NBAS: variants seen among roughly 807,000 people sequenced by gnomAD.
NBAS encodes the protein NBAS subunit of NRZ tethering complex.
A neutral mutation model predicts 302.5 loss-of-function variants in NBAS; 219 were observed. That is an observed-to-expected ratio of 0.72 (90% CI 0.65 to 0.81). The LOEUF (loss-of-function observed/expected upper bound fraction) is 0.81, where lower values mean the gene tolerates loss of function less well. NBAS is among the 30% of genes least tolerant of loss of function. NBAS has a pLI of 0.00. For synonymous variants in NBAS, 1,118 were observed against 1,021.6 expected, an observed-to-expected ratio of 1.09 and a Z score of -1.80; for missense variants, 2,932 against 2,841.6, an observed-to-expected ratio of 1.03 and a Z score of -0.72.
At chr2:14,900,967 G>A in the NBAS span, among the ~76,000 whole-genome samples, 1 of 152,176 alleles carries the variant, frequency 6.6e-6, no homozygotes, top group Non-Finnish European at 1.5e-5. Flanking sequence ...GGCTACGGGG[G>A]TAGTGGCTGA....
chr2:15,410,818 T>C (rs888613799), intron 25 of NBAS, among the ~76,000 whole-genome samples: 5 of 152,194 alleles, frequency 3.3e-5, no homozygotes, highest in African/African-American at 1.2e-4. Flanking sequence ...CAGGTGCTCC[T>C]TTCTTCTGGA....
chr2:15,178,967 A>C, intron 51 of NBAS, 21 bp downstream of exon 51: 2 of 1,610,554 alleles, frequency 1.2e-6, no homozygotes, highest in South Asian at 2.2e-5. Context: ...AAAGAAAGAA[A>C]GTAAATTCAA....
the NBAS span, among the ~76,000 whole-genome samples, chr2:14,952,998 G>A: frequency 1.3e-5 from 2 of 152,196 alleles, no homozygotes; most frequent in Non-Finnish European, 2.9e-5. Flanking sequence ...TGGAGAGGTA[G>A]CAGTTCACCA....
chr2:15,203,582 T>G (rs1437941757), intron 48 of NBAS, among the ~76,000 whole-genome samples: 1 of 151,962 alleles, frequency 6.6e-6, no homozygotes, highest in African/African-American at 2.4e-5. Flanking sequence ...TCTCCAAATA[T>G]AAAATAGAAT....
At chr2:15,018,477 T>G in the NBAS span, among the ~76,000 whole-genome samples, 1 of 152,024 alleles carries the variant, frequency 6.6e-6, no homozygotes, top group African/African-American at 2.4e-5. Flanking sequence ...TAATTGCTAT[T>G]GAAGCATATT....
At chr2:15,452,280 T>A (rs1461166610) in intron 21 of NBAS, among the ~76,000 whole-genome samples, 1 of 152,166 alleles carries the variant, frequency 6.6e-6, no homozygotes, top group Non-Finnish European at 1.5e-5. Context: ...AATTCAATAT[T>A]TTTTAAGATA....
chr2:15,513,699 A>T (rs1662249696), intron 9 of NBAS, among the ~76,000 whole-genome samples: 1 of 152,026 alleles, frequency 6.6e-6, no homozygotes, highest in African/African-American at 2.4e-5. Context: ...GAATTAAAAG[A>T]AAACATAGGT....
chr2:14,868,795 A>G, the NBAS span, among the ~76,000 whole-genome samples: 4 of 152,122 alleles, frequency 2.6e-5, no homozygotes, highest in Non-Finnish European at 4.4e-5. Flanking sequence ...TCCCACTTTC[A>G]TTTGGTTCTG....
At chr2:15,551,424 T>A in intron 6 of NBAS, 69 bp downstream of exon 6, 1 of 1,075,412 alleles carries the variant, frequency 9.3e-7, no homozygotes, top group Non-Finnish European at 1.4e-6. Flanking sequence ...CTATTCTAAC[T>A]TTTAAGAAAC....
At chr2:14,808,778 C>G in the NBAS span, among the ~76,000 whole-genome samples, 1 of 152,272 alleles carries the variant, frequency 6.6e-6, no homozygotes, top group East Asian at 1.9e-4. Flanking sequence ...TTAGAGGGCT[C>G]AGATGACAGA....
At chr2:14,993,965 A>T in the NBAS span, among the ~76,000 whole-genome samples, 1 of 152,240 alleles carries the variant, frequency 6.6e-6, no homozygotes, top group African/African-American at 2.4e-5. Flanking sequence ...GAAGAGATAA[A>T]GTCAGATAGA....
chr2:15,260,719 C>T (rs1272469942), intron 44 of NBAS, among the ~76,000 whole-genome samples: 1 of 152,162 alleles, frequency 6.6e-6, no homozygotes, highest in Non-Finnish European at 1.5e-5. Context: ...TGATGTATGT[C>T]GTCAGCTGCC....
intron 25 of NBAS, among the ~76,000 whole-genome samples, chr2:15,404,750 T>A (rs1013721452): frequency 6.6e-6 from 1 of 152,044 alleles, no homozygotes; most frequent in African/African-American, 2.4e-5. Flanking sequence ...TGACCTAAGG[T>A]GATTCACCCA....
intron 44 of NBAS, among the ~76,000 whole-genome samples, chr2:15,252,532 A>G (rs965912139): frequency 6.7e-6 from 1 of 148,862 alleles, no homozygotes; most frequent in South Asian, 2.1e-4. Context: ...AATAAAAATT[A>G]AAAAAAAAAG....
At chr2:15,493,399 G>A (rs911909020) in intron 11 of NBAS, among the ~76,000 whole-genome samples, 11 of 152,186 alleles carry the variant, frequency 7.2e-5, no homozygotes, top group African/African-American at 2.7e-4. Flanking sequence ...CAGGTGCAGT[G>A]GCTCATGCCT....
chr2:15,520,070 A>G (rs1662588920), intron 9 of NBAS, among the ~76,000 whole-genome samples: 1 of 152,170 alleles, frequency 6.6e-6, no homozygotes. Context: ...GTACTCGGCT[A>G]TAATTTTTTT....
At chr2:15,415,894 A>G (rs142117422) in intron 24 of NBAS, among the ~76,000 whole-genome samples, 175 bp from the exon 25 acceptor site, 126 of 152,338 alleles carry the variant, frequency 8.3e-4, no homozygotes, top group African/African-American at 3.0e-3. Flanking sequence ...ATTGACAGGT[A>G]GCAGGAAAAT....
At chr2:15,110,157 C>T in the NBAS span, among the ~76,000 whole-genome samples, 2 of 151,930 alleles carry the variant, frequency 1.3e-5, no homozygotes, top group African/African-American at 4.8e-5. Context: ...AAGATGAATA[C>T]CTAAAGGAAG....
chr2:15,555,623 T>C (rs1421914589), intron 3 of NBAS, among the ~76,000 whole-genome samples: 1 of 152,166 alleles, frequency 6.6e-6, no homozygotes, highest in East Asian at 1.9e-4. Context: ...TACCATAAAC[T>C]CAAGAGCACA....
Sources: gnomAD v4.1 joint callset for allele counts (sites outside exome capture counted in the v4.1 genomes callset) on GRCh38, gnomAD v4.1.1 for gene constraint, MANE v1.5 for transcripts, NCBI Gene and HGNC (gene_info 2026-07-23, HGNC 2026-07-21) for gene names.